The following NXPH1 variants were observed in gnomAD, a reference collection of about 807,000 sequenced individuals.
NXPH1 encodes the protein neurexophilin-1.
A neutral mutation model predicts 23.7 loss-of-function variants in NXPH1; 5 were observed. The observed-to-expected ratio is 0.21, with a 90% confidence interval of 0.11 to 0.44. The LOEUF (loss-of-function observed/expected upper bound fraction) is 0.44. NXPH1 is among the 20% of genes least tolerant of loss of function. The pLI, the probability that NXPH1 is intolerant of heterozygous loss-of-function variation, is 0.99. For synonymous variants in NXPH1, 144 were observed against 122.2 expected (o/e 1.18, Z -1.18); for missense variants, 324 against 321.6 (o/e 1.01, Z -0.06).
intron 2 of NXPH1, among the ~76,000 whole-genome samples, chr7:8,709,971 A>G (rs1175617884): frequency 6.6e-6 from 1 of 152,214 alleles, no homozygotes; most frequent in Non-Finnish European, 1.5e-5. Flanking sequence ...AAGGCTCACA[A>G]GTTATACATG....
intron 2 of NXPH1, among the ~76,000 whole-genome samples, chr7:8,542,550 T>C (rs1329471688): frequency 6.6e-6 from 1 of 151,670 alleles, no homozygotes; most frequent in Non-Finnish European, 1.5e-5. Context: ...TAGTGTGTTA[T>C]CCAATGTGGA....
At chr7:8,634,937 T>C (rs1175389307) in intron 2 of NXPH1, among the ~76,000 whole-genome samples, 2 of 152,168 alleles carry the variant, frequency 1.3e-5, no homozygotes, top group African/African-American at 2.4e-5. Context: ...TGTATAACTT[T>C]CTGCTGTGTG....
intron 2 of NXPH1, among the ~76,000 whole-genome samples, chr7:8,452,087 C>G (rs1816516427): frequency 6.6e-6 from 1 of 152,138 alleles, no homozygotes; most frequent in African/African-American, 2.4e-5. Context: ...TTTGCATCAG[C>G]CTGGTGAAAT....
chr7:8,568,381 C>T (rs1818584706), intron 2 of NXPH1, among the ~76,000 whole-genome samples: 1 of 151,826 alleles, frequency 6.6e-6, no homozygotes. Context: ...ATGCTTTCTG[C>T]AAATATTTTA....
intron 2 of NXPH1, among the ~76,000 whole-genome samples, chr7:8,728,177 T>C (rs530689681): frequency 3.9e-5 from 6 of 152,276 alleles, no homozygotes; most frequent in Admixed American, 2.0e-4. Flanking sequence ...GTGATTTTTT[T>C]ACTTTGATTT....
intron 2 of NXPH1, among the ~76,000 whole-genome samples, chr7:8,443,230 A>C (rs113972521): frequency 0.038 from 5,766 of 152,132 alleles, 131 homozygotes; most frequent in Middle Eastern, 0.054. Context: ...CCTCTCCATT[A>C]CCACACTCAG....
intron 2 of NXPH1, among the ~76,000 whole-genome samples, chr7:8,682,558 T>A (rs1394254110): frequency 1.3e-5 from 2 of 152,200 alleles, no homozygotes; most frequent in African/African-American, 2.4e-5. Flanking sequence ...AAGACTTTAC[T>A]CTCCTATTCT....
intron 2 of NXPH1, among the ~76,000 whole-genome samples, chr7:8,458,821 G>C (rs1283989244): frequency 2.6e-5 from 4 of 152,198 alleles, no homozygotes; most frequent in Non-Finnish European, 5.9e-5. Context: ...GGAATTATGA[G>C]TAAAACACTG....
intron 2 of NXPH1, among the ~76,000 whole-genome samples, chr7:8,555,780 G>T (rs1818347628): frequency 6.6e-6 from 1 of 151,594 alleles, no homozygotes; most frequent in Non-Finnish European, 1.5e-5. Flanking sequence ...CTCACTTACT[G>T]AATGTATTCT....
intron 2 of NXPH1, among the ~76,000 whole-genome samples, chr7:8,721,317 G>A (rs1779966463): frequency 6.6e-6 from 1 of 151,986 alleles, no homozygotes; most frequent in Non-Finnish European, 1.5e-5. Context: ...ACTAATTGGT[G>A]AATCTCGGTA....
chr7:8,467,980 T>C (rs1255017141), intron 2 of NXPH1, among the ~76,000 whole-genome samples: 1 of 152,120 alleles, frequency 6.6e-6, no homozygotes, highest in African/African-American at 2.4e-5. Flanking sequence ...TGCAGTTAAT[T>C]AATAAAGTTT....
intron 2 of NXPH1, among the ~76,000 whole-genome samples, chr7:8,463,662 C>T (rs926179340): frequency 6.6e-6 from 1 of 152,028 alleles, no homozygotes; most frequent in African/African-American, 2.4e-5. Flanking sequence ...CAATTATTTG[C>T]ATTTACTTAA....
intron 2 of NXPH1, among the ~76,000 whole-genome samples, chr7:8,556,932 A>T (rs1474532140): frequency 1.3e-5 from 2 of 151,708 alleles, no homozygotes; most frequent in African/African-American, 2.4e-5. Flanking sequence ...CCCATTCCAG[A>T]TGAAGAAACA....
intron 2 of NXPH1, among the ~76,000 whole-genome samples, chr7:8,537,662 G>C (rs921239610): frequency 6.6e-6 from 1 of 151,852 alleles, no homozygotes; most frequent in African/African-American, 2.4e-5. Context: ...ACCATATCAA[G>C]CACTAAACTG....
chr7:8,726,590 G>GT (rs1217662017), intron 2 of NXPH1, among the ~76,000 whole-genome samples: 2 of 147,090 alleles, frequency 1.4e-5, no homozygotes, highest in African/African-American at 2.5e-5. Context: ...GCAGTGTTTG[G>GT]TTTTTTGTTC....
At chr7:8,565,386 A>C (rs1818522987) in intron 2 of NXPH1, among the ~76,000 whole-genome samples, 1 of 151,846 alleles carries the variant, frequency 6.6e-6, no homozygotes, top group Admixed American at 6.6e-5. Flanking sequence ...AGCAAGGAAG[A>C]CATAAGTCAA....
rs563838282 is a variant in NXPH1 at position 8,581,990 on chromosome 7, G to A, written c.54+146223G>A. On this transcript the variant is annotated intron_variant, in intron 2 of 2. Coordinates refer to ENST00000405863, the MANE Select transcript of NXPH1 (RefSeq NM_152745.3). ...GGCGAGACAGGTGCAGAGTGGTGAG[G>A]GGTGTGTGGGTGAGCAAGTGCTGGG... Among the ~76,000 whole-genome samples the A allele has an allele frequency of 7.0e-4, 107 of 152,296 alleles. 1 individual carries two copies. The South Asian group carries it at 0.01, about 15-fold the overall frequency.
intron 2 of NXPH1, among the ~76,000 whole-genome samples, chr7:8,630,199 A>C (rs1383807748): frequency 1.3e-5 from 2 of 152,158 alleles, no homozygotes; most frequent in African/African-American, 4.8e-5. Context: ...CCTGTGCTTC[A>C]TTAAGAGACT....
chr7:8,658,917 T>C (rs1046757047), intron 2 of NXPH1, among the ~76,000 whole-genome samples: 5 of 152,152 alleles, frequency 3.3e-5, no homozygotes, highest in African/African-American at 1.2e-4. Context: ...GCAAGATTTA[T>C]ATCTGATAAC....
Sources: gnomAD v4.1 joint callset for allele counts (sites outside exome capture counted in the v4.1 genomes callset) on GRCh38, gnomAD v4.1.1 for gene constraint, MANE v1.5 for transcripts, NCBI Gene and HGNC (gene_info 2026-07-23, HGNC 2026-07-21) for gene names.